PTPRQ: variants seen among roughly 807,000 people sequenced by gnomAD.
PTPRQ encodes the protein phosphatidylinositol phosphatase PTPRQ.
In PTPRQ, 199 loss-of-function variants were observed where a neutral mutation model predicts 246.0. The ratio of observed to expected loss-of-function variants is 0.81; its 90% CI spans 0.72 to 0.91. PTPRQ has a LOEUF of 0.91. PTPRQ is among the 40% of genes least tolerant of loss of function. The pLI is 0.00. For missense variants in PTPRQ, 2,624 were observed against 2,528.4 expected (o/e 1.04, Z -0.81); for synonymous variants, 869 against 853.2 (o/e 1.02, Z -0.32).
At chr12:80,468,118 G>A (rs899318360) in intron 6 of PTPRQ, among the ~76,000 whole-genome samples, 11 of 151,904 alleles carry the variant, frequency 7.2e-5, no homozygotes, top group Non-Finnish European at 1.0e-4. Flanking sequence ...TCAATTAAAA[G>A]AATAAACATC....
chr12:80,499,356 G>A (rs949563804), intron 14 of PTPRQ, among the ~76,000 whole-genome samples: 6 of 151,898 alleles, frequency 4.0e-5, no homozygotes, highest in Non-Finnish European at 7.4e-5. Context: ...GGAAGACAAT[G>A]GAATCTACAT....
chr12:80,634,511 C>A (rs962995982), intron 34 of PTPRQ, among the ~76,000 whole-genome samples: 1 of 152,050 alleles, frequency 6.6e-6, no homozygotes, highest in African/African-American at 2.4e-5. Context: ...AAAAATATTT[C>A]ATATATGTGA....
intron 9 of PTPRQ, among the ~76,000 whole-genome samples, chr12:80,487,510 A>G (rs550652849): frequency 1.3e-5 from 2 of 152,258 alleles, no homozygotes; most frequent in East Asian, 3.9e-4. Flanking sequence ...CTAAGAAACC[A>G]TGGTCCAGAA....
At chr12:80,619,152 G>GA (rs1436746975) in intron 30 of PTPRQ, among the ~76,000 whole-genome samples, 2 of 151,520 alleles carry the variant, frequency 1.3e-5, no homozygotes, top group Admixed American at 1.3e-4. Flanking sequence ...TCAGGTGCCT[G>GA]AAAATCACAC....
chr12:80,500,807 A>C (rs774816586), intron 14 of PTPRQ, among the ~76,000 whole-genome samples: 2 of 152,008 alleles, frequency 1.3e-5, no homozygotes, highest in Non-Finnish European at 2.9e-5. Context: ...ACCTTCCTGA[A>C]ACTTGACACT....
rs1457960974 is a variant in PTPRQ, at chr12:80,635,045, C to A, written c.5887C>A (p.Leu1963Met). ...GGATCAGCTCATCACAGTGGCAGAC[C>A]TGGAACTGAAGGACGAGAGATTAAC... Reference protein sequence around the residue: ...KLDQLITVADLELKDERLTRL... With the variant: ...KLDQLITVADMELKDERLTRL... The change falls in exon 35 of 45, where the codon CTG (leucine) becomes ATG (methionine). Residue 1963 changes from leucine (L) to methionine (M), a missense_variant. Transcript: ENST00000644991. 1.7e-5 allele frequency: 27 copies of A among 1,551,100 alleles called. No homozygotes were observed. The highest frequency in any genetic ancestry group is 2.4e-5 in the Non-Finnish European group (27 of 1,146,716).
In PTPRQ at chr12:80,506,582, T is replaced by C. The variant is rs780513672; in HGVS notation, c.2469T>C (p.Tyr823=). Residue 823 remains tyrosine (Y), a synonymous_variant, in exon 16 of 45, where the codon TAT becomes TAC. Transcript: ENST00000644991. ...ATTTCTCTTTAGTACTGAAGAAATA[T>C]ACCCAATATATCATTGAGGTGTCTG... ...LTQNIKVLKK[Y]TQYIIEVSAS... 7.8e-5 allele frequency: 120 copies of C among 1,532,294 alleles called. No individual in the cohort carries two copies. The highest frequency in any genetic ancestry group is 2.4e-4 in the Admixed American group (12 of 49,624). 94.9% of individuals were successfully genotyped at this position (1,532,294 alleles called of 1,614,324 possible).
At chr12:80,547,840 C>T (rs1896353683) in intron 24 of PTPRQ, among the ~76,000 whole-genome samples, 1 of 152,088 alleles carries the variant, frequency 6.6e-6, no homozygotes, top group Admixed American at 6.6e-5. Flanking sequence ...GTGTTGGACA[C>T]ACAGTAAATG....
intron 8 of PTPRQ, among the ~76,000 whole-genome samples, chr12:80,478,451 G>T (rs1222199112): frequency 6.6e-6 from 1 of 152,058 alleles, no homozygotes; most frequent in African/African-American, 2.4e-5. Context: ...AGAAAAACTG[G>T]AAACTCTAAA....
rs549620916 is a variant in PTPRQ at position 80,575,311 on chromosome 12, T to G, written c.4286-12818T>G. ...TGTTCTAAAAATCTTTTGATCCAAG[T>G]GTGGTGGCTCACACCTGTAATCACA... On this transcript the variant is annotated intron_variant, in intron 25 of 44. Coordinates refer to ENST00000644991, the MANE Select transcript of PTPRQ (RefSeq NM_001145026.2). Among the ~76,000 whole-genome samples the G allele has an allele frequency of 3.3e-5, 5 of 152,216 alleles. No homozygotes were observed. In the South Asian group the frequency reaches 1.0e-3, roughly 32 times the overall value.
At chr12:80,620,441 A>G (rs1592725421) in intron 32 of PTPRQ, 65 bp downstream of exon 32, 3 of 1,534,924 alleles carry the variant, frequency 2.0e-6, no homozygotes, top group Non-Finnish European at 1.8e-6. Context: ...TCATCCATCC[A>G]TCTGCCTGTC....
At chr12:80,665,134 A>G (rs1215043751) in intron 39 of PTPRQ, among the ~76,000 whole-genome samples, 1 of 151,990 alleles carries the variant, frequency 6.6e-6, no homozygotes. Flanking sequence ...CCTTCAGTCT[A>G]TGACCAAAGG....
Position 80,521,332 on chromosome 12 carries a change from A to G in PTPRQ, c.2678+10889A>G, listed in dbSNP as rs777429127. Among the ~76,000 whole-genome samples, 379 of 152,192 alleles carry G rather than the reference A, an allele frequency of 2.5e-3. 2 individuals carry two copies. The highest frequency in any genetic ancestry group is 0.01 in the Middle Eastern group (3 of 294). ...AAGGTTGCCTGTTCACTCTGATGGT[A>G]GTTTCTTTTGCTGTGCAGAAGCTCT... is the stretch of plus-strand genomic sequence containing the variant. On this transcript the variant is annotated intron_variant, in intron 17 of 44. Coordinates refer to ENST00000644991, the MANE Select transcript of PTPRQ (RefSeq NM_001145026.2).
intron 27 of PTPRQ, among the ~76,000 whole-genome samples, chr12:80,605,884 G>A (rs572987462): frequency 8.6e-5 from 13 of 151,174 alleles, no homozygotes; most frequent in African/African-American, 3.1e-4. Flanking sequence ...ACATAGGCAT[G>A]GTTGCAGTGT....
At chr12:80,555,053 C>T (rs890142394) in intron 25 of PTPRQ, among the ~76,000 whole-genome samples, 15 of 151,996 alleles carry the variant, frequency 9.9e-5, no homozygotes, top group African/African-American at 3.6e-4. Context: ...TAGCTGAGAT[C>T]ATAGGTGTGC....
chr12:80,491,313 T>G (rs542173509), intron 9 of PTPRQ, among the ~76,000 whole-genome samples: 4 of 152,048 alleles, frequency 2.6e-5, no homozygotes, highest in South Asian at 4.1e-4. Flanking sequence ...GGTGACTGAT[T>G]GATAGTGGAA....
intron 25 of PTPRQ, among the ~76,000 whole-genome samples, chr12:80,552,645 T>TTATATATATATA (rs71094985): frequency 3.0e-4 from 23 of 76,460 alleles, no homozygotes; most frequent in African/African-American, 4.0e-4. Flanking sequence ...AAAAAAAAAA[T>TTATATATATATA]TATATATATA....
intron 42 of PTPRQ, among the ~76,000 whole-genome samples, chr12:80,672,733 C>G (rs1901010242): frequency 1.3e-5 from 2 of 151,968 alleles, no homozygotes; most frequent in South Asian, 4.1e-4. Flanking sequence ...ACAATTGCAA[C>G]ACTATTTTTC....
rs1052545344 is a variant in PTPRQ at position 80,610,722 on chromosome 12, A to C, written c.4918+97A>C. The stretch of plus-strand genomic sequence containing the variant: ...CCACCAAAAAAGGATATGTGTTATG[A>C]GAAGTTTTTAAAGCATATAAACAAA... On this transcript the variant is annotated intron_variant, in intron 28 of 44. Coordinates refer to ENST00000644991, the MANE Select transcript of PTPRQ (RefSeq NM_001145026.2). 5 of 1,416,938 alleles carry C rather than the reference A, an allele frequency of 3.5e-6. No individual in the cohort carries two copies. The African/African-American group carries it at 5.9e-5, about 17-fold the overall frequency. The allele number at this position is 1,416,938 out of a possible 1,614,324, so 87.8% of individuals were successfully genotyped here. A position where few individuals can be genotyped will look rare whatever the true frequency, so the allele number is the denominator to read the frequency against.
Sources: gnomAD v4.1 joint callset for allele counts (sites outside exome capture counted in the v4.1 genomes callset) on GRCh38, gnomAD v4.1.1 for gene constraint, MANE v1.5 for transcripts, NCBI Gene and HGNC (gene_info 2026-07-23, HGNC 2026-07-21) for gene names.